ACAD10: variants seen among roughly 807,000 people sequenced by gnomAD.
ACAD10 encodes the protein ACAD-10.
A neutral mutation model predicts 116.8 loss-of-function variants in ACAD10; 112 were observed. The ratio of observed to expected loss-of-function variants is 0.96; its 90% CI spans 0.82 to 1.12. ACAD10 has a LOEUF of 1.12. Ranked by LOEUF, ACAD10 falls within the 50% of genes most tolerant of loss-of-function variation. The pLI is 0.00. For synonymous variants in ACAD10, 486 were observed against 510.6 expected, an observed-to-expected ratio of 0.95 and a Z score of 0.65; for missense variants, 1,259 against 1,350.2, an observed-to-expected ratio of 0.93 and a Z score of 1.06.
chr12:111,744,575 A>G (rs1889834385), intron 12 of ACAD10, 68 bp from the exon 13 acceptor site: 9 of 1,543,188 alleles, frequency 5.8e-6, no homozygotes, highest in Non-Finnish European at 7.9e-6. Flanking sequence ...TGACAGTGTC[A>G]TCACATGTTA....
At chr12:111,726,158 G>A (rs924643328) in intron 8 of ACAD10, among the ~76,000 whole-genome samples, 6 of 152,124 alleles carry the variant, frequency 3.9e-5, no homozygotes, top group African/African-American at 1.4e-4. Context: ...GGAGGCTGAA[G>A]CAGGAGAATC....
chr12:111,705,952 A>C lies in ACAD10; in HGVS notation c.531+20A>C, dbSNP rs779949098. ...GATGTGGTAAGCTTGAGCTAATTGAAAACCATTGGAACAGAATCTGTGCCC... is the reference window on the plus strand; with the variant it reads ...GATGTGGTAAGCTTGAGCTAATTGACAACCATTGGAACAGAATCTGTGCCC... On this transcript the variant is annotated intron_variant, in intron 4 of 20. Coordinates refer to ENST00000313698, the MANE Select transcript of ACAD10 (RefSeq NM_025247.6). The C allele has an allele frequency of 7.3e-5, 118 of 1,611,742 alleles. No homozygotes were observed. The highest frequency in any genetic ancestry group is 9.7e-5 in the Non-Finnish European group (114 of 1,178,436).
intron 12 of ACAD10, among the ~76,000 whole-genome samples, chr12:111,741,471 G>A (rs903474752): frequency 1.3e-5 from 2 of 152,154 alleles, no homozygotes; most frequent in African/African-American, 4.8e-5. Context: ...CCTTTGACAT[G>A]TTTTTAAGAT....
At position 111,705,780 on chromosome 12, in the gene ACAD10, A is replaced by G; in HGVS notation, c.379A>G (p.Thr127Ala). The G allele has an allele frequency of 6.2e-7, 1 of 1,613,886 alleles. No homozygotes were observed. Among genetic ancestry groups the G allele is most frequent in the Non-Finnish European group, 8.5e-7 (1 of 1,179,998 alleles). Residue 127 changes from threonine to alanine, a missense_variant, in exon 4 of 21, where the codon ACC becomes GCC. Physicochemically the swap from Thr to Ala is moderately conservative, Grantham distance 58. Coordinates refer to ENST00000313698, the MANE Select transcript of ACAD10 (RefSeq NM_025247.6). ...TGTGGACTCATTTTTCTCTCTGTTGACCAGTGAGCGAGTGGCAAAGCAGTT... is the reference window on the plus strand; with the variant it reads ...TGTGGACTCATTTTTCTCTCTGTTGGCCAGTGAGCGAGTGGCAAAGCAGTT... ...VPVDSFFSLL[T>A]SERVAKQFPV...
chr12:111,722,992 G>A (rs1406762346), intron 8 of ACAD10, among the ~76,000 whole-genome samples: 16 of 150,700 alleles, frequency 1.1e-4, no homozygotes, highest in Non-Finnish European at 1.3e-4. Flanking sequence ...CCTCCCGGAC[G>A]GGGCGGGTGG....
chr12:111,728,561 G>A (rs1451726076), intron 9 of ACAD10, among the ~76,000 whole-genome samples: 1 of 152,052 alleles, frequency 6.6e-6, no homozygotes, highest in African/African-American at 2.4e-5. Context: ...TTTTTGAGAT[G>A]GGGGTCTCAC....
intron 16 of ACAD10, chr12:111,747,691 C>G (rs1889953787): frequency 3.8e-5 from 44 of 1,171,266 alleles, no homozygotes; most frequent in Non-Finnish European, 4.5e-5. Flanking sequence ...TTGGGCAGCT[C>G]CCCTTCCTTG....
At chr12:111,745,388 G>T in intron 13 of ACAD10, 1 of 357,922 alleles carries the variant, frequency 2.8e-6, no homozygotes, top group Non-Finnish European at 5.0e-6. Context: ...TCTCTCTAGA[G>T]AACCCGTAAT....
At position 111,695,204 on chromosome 12, in the gene ACAD10, T is replaced by C. The variant is rs1275086794; in HGVS notation, c.187+2308T>C. On this transcript the variant is annotated intron_variant, in intron 2 of 20. Transcript: ENST00000313698. ...TGGACTACCTGATGCTCCCCAGGCA[T>C]GCCAGGCACATTTGCATGTTTGTGC... Among the ~76,000 whole-genome samples the C allele has an allele frequency of 2.0e-5, 3 of 152,328 alleles. No homozygotes were observed. The East Asian group carries it at 5.8e-4, about 29-fold the overall frequency.
chr12:111,702,193 AACT>A lies in ACAD10; in HGVS notation c.221_223del (p.Thr74del), dbSNP rs1888366332. The A allele has an allele frequency of 6.2e-7, 1 of 1,613,874 alleles. No homozygotes were observed. The highest frequency in any genetic ancestry group is 1.3e-5 in the African/African-American group (1 of 74,882). ...AGGTACAGAATCGTATCCCTTCTGG[AACT>A]ATATTAAAGGCCTTGATGGAAGGTG... On this transcript the variant is annotated inframe_deletion, in exon 3 of 21. Coordinates refer to ENST00000313698, the MANE Select transcript of ACAD10 (RefSeq NM_025247.6).
chr12:111,735,832 ATTTG>A (rs1402616298), intron 11 of ACAD10, among the ~76,000 whole-genome samples: 4 of 151,282 alleles, frequency 2.6e-5, no homozygotes, highest in Admixed American at 6.6e-5. Context: ...TTATTTATTT[ATTTG>A]TTTATTTGTT....
At chr12:111,724,206 CTCACTTCCTAGATGTGATGGCG>C (rs1459894158) in intron 8 of ACAD10, among the ~76,000 whole-genome samples, 55 of 149,100 alleles carry the variant, frequency 3.7e-4, no homozygotes, top group Non-Finnish European at 1.5e-4. Flanking sequence ...AGAGACGCTC[CTCACTTCCTAGATGTGATGGCG>C]TCACTTCCTA....
At chr12:111,706,192 A>G (rs139472319) in intron 4 of ACAD10, among the ~76,000 whole-genome samples, 22 of 152,346 alleles carry the variant, frequency 1.4e-4, no homozygotes, top group African/African-American at 5.3e-4. Context: ...CTTAGTCTTC[A>G]TATAACACAA....
rs142902635 is a variant in ACAD10, at chr12:111,748,777, G to A, written c.2644+302G>A. 919 of 541,462 alleles carry A rather than the reference G, an allele frequency of 1.7e-3. 8 individuals carry two copies. Among genetic ancestry groups the A allele is most frequent in the Middle Eastern group, 4.7e-3 (9 of 1,908 alleles). 33.5% of individuals were successfully genotyped at this position (541,462 alleles called of 1,614,324 possible). On this transcript the variant is annotated intron_variant, in intron 17 of 20. Transcript: ENST00000313698. The stretch of plus-strand genomic sequence containing the variant: ...GTGGACCCCAAACCTACTCTTCCAG[G>A]CCCCAGTGTGAACAGCTGACCTCTA...
intron 12 of ACAD10, among the ~76,000 whole-genome samples, chr12:111,740,253 C>T (rs1340409050): frequency 2.6e-5 from 4 of 152,082 alleles, no homozygotes; most frequent in African/African-American, 7.2e-5. Context: ...CACCTGAGGT[C>T]GGGAGTTTGA....
At chr12:111,729,017 A>G (rs888400371) in intron 9 of ACAD10, among the ~76,000 whole-genome samples, 1 of 152,046 alleles carries the variant, frequency 6.6e-6, no homozygotes, top group African/African-American at 2.4e-5. Context: ...GAATAGTTCT[A>G]AGGGCTTTAC....
chr12:111,715,960 C>A lies in ACAD10; in HGVS notation c.990C>A (p.Phe330Leu). 1.9e-6 allele frequency: 3 copies of A among 1,613,886 alleles called. No homozygotes were observed. In the South Asian group the frequency reaches 3.3e-5, roughly 18 times the overall value. ...LPSAHAIEREFRIMKALANAG... is the reference protein window; with the variant it reads ...LPSAHAIERELRIMKALANAG... Reference sequence around the variant, plus strand: ...CTGCCCATGCCATAGAGAGGGAGTTCAGGTAAGTTTTCAGGGCCAGGGGAG... The same window carrying A: ...CTGCCCATGCCATAGAGAGGGAGTTAAGGTAAGTTTTCAGGGCCAGGGGAG... The change falls in exon 7 of 21, where the codon TTC (phenylalanine) becomes TTA (leucine). Residue 330 changes from phenylalanine to leucine, a missense_variant and splice_region_variant. Coordinates refer to ENST00000313698, the MANE Select transcript of ACAD10 (RefSeq NM_025247.6).
intron 5 of ACAD10, chr12:111,710,247 C>A (rs907484313): frequency 1.5e-5 from 7 of 451,962 alleles, no homozygotes; most frequent in Non-Finnish European, 3.1e-5. Flanking sequence ...ACCACCACAC[C>A]CGACTAATTT....
Position 111,733,980 on chromosome 12 carries a change from G to C in ACAD10, c.1452G>C (p.Trp484Cys). Residue 484 changes from tryptophan (W) to cysteine (C), a missense_variant, in exon 11 of 21, where the codon TGG (tryptophan) becomes TGC (cysteine). Trp to Cys is a radical substitution (Grantham distance 215). Transcript: ENST00000313698. ...EEPEVLAVLD[W>C]ELSTLGDPLA... Reference sequence around the variant, plus strand: ...CAGAGGTGCTTGCTGTCCTTGACTGGGAACTTTCTACCTTGGGCGACCCCC... The same window carrying C: ...CAGAGGTGCTTGCTGTCCTTGACTGCGAACTTTCTACCTTGGGCGACCCCC... 1 of 1,614,210 alleles carries C rather than the reference G, an allele frequency of 6.2e-7. No individual in the cohort carries two copies. Among genetic ancestry groups the C allele is most frequent in the Non-Finnish European group, 8.5e-7 (1 of 1,180,034 alleles).
Sources: allele counts gnomAD v4.1 joint callset (sites outside exome capture counted in the v4.1 genomes callset), GRCh38; gene constraint gnomAD v4.1.1; transcripts MANE v1.5; gene names NCBI Gene and HGNC (gene_info 2026-07-23, HGNC 2026-07-21).